Variants in CPAMD8 observed in about 807,000 individuals in gnomAD.
CPAMD8 encodes the protein C3 and PZP-like alpha-2-macroglobulin domain-containing protein 8.
Under a neutral mutation model 224.7 loss-of-function variants are expected in CPAMD8, and 146 were observed. The ratio of observed to expected loss-of-function variants is 0.65; its 90% CI spans 0.57 to 0.75. CPAMD8 has a LOEUF of 0.75. CPAMD8 is among the 30% of genes least tolerant of loss of function. The pLI is 0.00. For synonymous variants in CPAMD8, 966 were observed against 1,044.6 expected (o/e 0.92, Z 1.45); for missense variants, 2,301 against 2,537.5 (o/e 0.91, Z 2.00).
chr19:17,006,645 C>T (rs1381022417), intron 7 of CPAMD8, among the ~76,000 whole-genome samples: 3 of 152,186 alleles, frequency 2.0e-5, no homozygotes, highest in Non-Finnish European at 4.4e-5. Flanking sequence ...CCATCTCCAA[C>T]CTCACTACCC....
At chr19:17,004,698 G>A (rs375879529) in intron 7 of CPAMD8, among the ~76,000 whole-genome samples, 1 of 152,034 alleles carries the variant, frequency 6.6e-6, no homozygotes, top group Non-Finnish European at 1.5e-5. Flanking sequence ...GAGCCAGCCC[G>A]GCTCATTCAC....
At chr19:16,946,404 CAT>C (rs550770605) in intron 21 of CPAMD8, among the ~76,000 whole-genome samples, 569 of 141,650 alleles carry the variant, frequency 4.0e-3, no homozygotes, top group Non-Finnish European at 5.4e-3. Context: ...CATGTCTACA[CAT>C]GTGGGCATGT....
At chr19:16,894,707 A>T (rs1301525191) in intron 41 of CPAMD8, 2 of 327,038 alleles carry the variant, frequency 6.1e-6, no homozygotes, top group Non-Finnish European at 1.2e-5. Context: ...CACCAACCAA[A>T]TCGAAAAGCT....
At chr19:17,014,049 C>G (rs1323151859) in intron 3 of CPAMD8, among the ~76,000 whole-genome samples, 1 of 140,642 alleles carries the variant, frequency 7.1e-6, no homozygotes, top group African/African-American at 2.6e-5. Context: ...CTTTCTCTTT[C>G]TCTTTCTTTC....
At chr19:16,995,030 C>G (rs1007134528) in intron 11 of CPAMD8, among the ~76,000 whole-genome samples, 1 of 152,172 alleles carries the variant, frequency 6.6e-6, no homozygotes, top group Non-Finnish European at 1.5e-5. Context: ...CGCTCTTTAC[C>G]AAATTTGTAG....
intron 1 of CPAMD8, among the ~76,000 whole-genome samples, chr19:17,024,587 A>G (rs1354707626): frequency 6.6e-6 from 1 of 152,198 alleles, no homozygotes; most frequent in Non-Finnish European, 1.5e-5. Flanking sequence ...GTCACCTTTG[A>G]AACTCCTGAC....
At chr19:16,914,403 C>T (rs534437333) in intron 29 of CPAMD8, 21 bp downstream of exon 29, 2 of 1,612,380 alleles carry the variant, frequency 1.2e-6, no homozygotes, top group East Asian at 2.2e-5. Flanking sequence ...CCGAGTCTCC[C>T]CAAACCCCTT....
chr19:16,973,529 A>G (rs1437041594), intron 17 of CPAMD8, among the ~76,000 whole-genome samples: 1 of 151,970 alleles, frequency 6.6e-6, no homozygotes, highest in Non-Finnish European at 1.5e-5. Flanking sequence ...TTGTATTTTT[A>G]GTAGAGACGG....
chr19:16,968,042 C>T (rs1230450786), intron 18 of CPAMD8, among the ~76,000 whole-genome samples: 2 of 149,184 alleles, frequency 1.3e-5, no homozygotes, highest in African/African-American at 2.5e-5. Context: ...TTGTGATTTA[C>T]AATTGCCTTC....
At position 16,975,221 on chromosome 19, in the gene CPAMD8, G is replaced by C. The variant is rs1317131786; in HGVS notation, c.1946C>G (p.Ser649Cys). The C allele has an allele frequency of 1.9e-6, 3 of 1,609,688 alleles. No individual in the cohort carries two copies. Among genetic ancestry groups the C allele is most frequent in the Non-Finnish European group, 2.5e-6 (3 of 1,177,946 alleles). The change falls in exon 17 of 42, where the codon TCC (serine) becomes TGC (cysteine). Residue 649 changes from serine to cysteine, a missense_variant. Ser to Cys is a moderately radical substitution (Grantham distance 112, BLOSUM62 -1). This residue lies in a region of CPAMD8 where 1,709 missense variants were observed against 1,753.2 expected (regional missense o/e 0.97). Coordinates refer to ENST00000443236, the MANE Select transcript of CPAMD8 (RefSeq NM_015692.5). ...ACCATCCTCCCTGGACACGCCAAAG[G>C]AATCAGAAACATCATAATCTTCCAG... The part of the protein sequence containing the change: ...QELEDYDVSD[S>C]FGVSREDGPF...
chr19:16,900,954 C>T (rs1215222687), intron 36 of CPAMD8, among the ~76,000 whole-genome samples: 1 of 148,234 alleles, frequency 6.7e-6, no homozygotes, highest in African/African-American at 2.5e-5. Flanking sequence ...CAAGGCTCCA[C>T]TGGGAATTTG....
chr19:16,941,292 C>T (rs1252639279), intron 22 of CPAMD8, among the ~76,000 whole-genome samples: 5 of 152,140 alleles, frequency 3.3e-5, no homozygotes, highest in African/African-American at 1.2e-4. Flanking sequence ...TAAATGTCCA[C>T]CATAGGTGAA....
At chr19:16,901,582 C>T (rs1317278416) in intron 35 of CPAMD8, among the ~76,000 whole-genome samples, 1 of 152,156 alleles carries the variant, frequency 6.6e-6, no homozygotes, top group African/African-American at 2.4e-5. Flanking sequence ...ACTCTGTGTC[C>T]CCAGCCTGGG....
Position 16,975,283 on chromosome 19 carries a change from T to C in CPAMD8, c.1909-25A>G, listed in dbSNP as rs772078567. 2.7e-5 allele frequency: 43 copies of C among 1,582,762 alleles called. 3 individuals are homozygous for C. In the South Asian group the frequency reaches 4.5e-4, roughly 16 times the overall value. On this transcript the variant is annotated intron_variant, in intron 16 of 41. Coordinates refer to ENST00000443236, the MANE Select transcript of CPAMD8 (RefSeq NM_015692.5). ...CCTGCAGGCAAAGGGGGACAGAGAC[T>C]TGTCAGCTGAAGTTTTCTTTACAAC... is the stretch of plus-strand genomic sequence containing the variant.
chr19:16,917,933 G>T (rs1219998585), intron 27 of CPAMD8, among the ~76,000 whole-genome samples: 1 of 152,170 alleles, frequency 6.6e-6, no homozygotes, highest in Non-Finnish European at 1.5e-5. Flanking sequence ...TGATGCTCAA[G>T]TCCCCGATAT....
rs2053468655 is a variant in CPAMD8, at chr19:16,929,129, G to T, written c.2957C>A (p.Ala986Asp). ...TGTGTCCTGGGGCCCAGAAGACAAG[G>T]CCACACGGGCATCATTGTGAGCTCG... Reference protein sequence around the residue: ...AVRAHNDARVALSSGPQDTAG... With the variant: ...AVRAHNDARVDLSSGPQDTAG... Residue 986 changes from alanine to aspartate, a missense_variant, in exon 24 of 42, where the codon GCC becomes GAC. Physicochemically the swap from Ala to Asp is moderately radical, Grantham distance 126. Around this residue, in one of 4 missense-constraint regions of CPAMD8, gnomAD observed 1,709 missense variants for 1,753.2 expected, o/e 0.97. Transcript: ENST00000443236. 6.2e-7 allele frequency: 1 copy of T among 1,614,102 alleles called. No homozygotes were observed. The highest frequency in any genetic ancestry group is 8.5e-7 in the Non-Finnish European group (1 of 1,179,984).
rs1338901568 is a variant in CPAMD8, at chr19:16,993,419, C to A, written c.1263G>T (p.Leu421=). ...SIPTSAQHVW[L]ETKVMALNGK... The stretch of plus-strand genomic sequence containing the variant: ...AGGGTCCACGGGACTCACCCACCTC[C>A]AGCCACACGTGCTGGGCTGACGTGG... The change falls in exon 12 of 42, where the codon CTG becomes CTT. Residue 421 remains leucine (L), a synonymous_variant. Coordinates refer to ENST00000443236, the MANE Select transcript of CPAMD8 (RefSeq NM_015692.5). The A allele has an allele frequency of 1.9e-6, 3 of 1,612,386 alleles. No individual in the cohort carries two copies.
chr19:16,966,833 G>A (rs1357018155), intron 18 of CPAMD8, among the ~76,000 whole-genome samples: 3 of 152,104 alleles, frequency 2.0e-5, no homozygotes, highest in Non-Finnish European at 4.4e-5. Context: ...AAAAAGTCAG[G>A]AAACAACAAA....
chr19:17,024,993 T>G (rs1315387787), intron 1 of CPAMD8, among the ~76,000 whole-genome samples: 1 of 152,186 alleles, frequency 6.6e-6, no homozygotes, highest in Non-Finnish European at 1.5e-5. Flanking sequence ...GAATCCCAGG[T>G]CGGTCATTTG....
Sources: gnomAD v4.1 joint callset for allele counts (sites outside exome capture counted in the v4.1 genomes callset) on GRCh38, gnomAD v4.1.1 for gene constraint, gnomAD v4.1.1 regional missense constraint, MANE v1.5 for transcripts, NCBI Gene and HGNC (gene_info 2026-07-23, HGNC 2026-07-21) for gene names.